Variants in TAF1A observed in about 807,000 individuals in gnomAD.
TAF1A encodes the protein TATA box-binding protein-associated factor RNA polymerase I subunit A.
TAF1A carries 42 observed loss-of-function variants against 61.6 expected under a neutral mutation model. The ratio of observed to expected loss-of-function variants is 0.68; its 90% CI spans 0.53 to 0.88. TAF1A has a LOEUF of 0.88. Ranked by LOEUF, TAF1A falls within the 40% of genes least tolerant of loss-of-function variation. TAF1A has a pLI of 0.00. For synonymous variants in TAF1A, 179 were observed against 177.7 expected (o/e 1.01, Z -0.06); for missense variants, 424 against 518.7 (o/e 0.82, Z 1.77).
At chr1:222,579,392 C>G (rs1359252528) in intron 4 of TAF1A, among the ~76,000 whole-genome samples, 1 of 152,072 alleles carries the variant, frequency 6.6e-6, no homozygotes, top group Admixed American at 6.6e-5. Context: ...AATATTTTCA[C>G]GTATTTAAAT....
intron 7 of TAF1A, among the ~76,000 whole-genome samples, chr1:222,566,875 T>C (rs1660138382): frequency 6.6e-6 from 1 of 152,218 alleles, no homozygotes; most frequent in South Asian, 2.1e-4. Flanking sequence ...GTGTAGTTGC[T>C]GTAGAAAACA....
At chr1:222,574,760 T>A (rs1327461477) in intron 5 of TAF1A, among the ~76,000 whole-genome samples, 2 of 152,116 alleles carry the variant, frequency 1.3e-5, no homozygotes, top group African/African-American at 4.8e-5. Flanking sequence ...AATACAGCAT[T>A]CAGATATAGG....
chr1:222,577,414 C>A, intron 5 of TAF1A, 31 bp downstream of exon 5: 1 of 1,589,058 alleles, frequency 6.3e-7, no homozygotes, highest in African/African-American at 1.3e-5. Flanking sequence ...TCAGTCTCAT[C>A]ATAAGAAAAA....
chr1:222,575,488 C>A (rs763680522), intron 5 of TAF1A, among the ~76,000 whole-genome samples: 22 of 152,066 alleles, frequency 1.4e-4, no homozygotes, highest in Non-Finnish European at 2.5e-4. Flanking sequence ...AGCCTGACAG[C>A]AAGAGACTCC....
chr1:222,555,669 C>T (rs1283082243), downstream of TAF1A, among the ~76,000 whole-genome samples: 1 of 152,088 alleles, frequency 6.6e-6, no homozygotes, highest in Non-Finnish European at 1.5e-5. Flanking sequence ...TACTGTATTA[C>T]ATACTTGTAA....
In TAF1A at chr1:222,571,755, C is replaced by G. The variant is rs1022655384; in HGVS notation, c.605-1090G>C. 2.6e-5 allele frequency among the ~76,000 whole-genome samples: 4 copies of G among 152,090 alleles called. No homozygotes were observed. The East Asian group carries it at 7.7e-4, about 29-fold the overall frequency. On this transcript the variant is annotated intron_variant, in intron 5 of 10. Coordinates refer to ENST00000352967, the MANE Select transcript of TAF1A (RefSeq NM_005681.4). ...AATGAATGAAAAGACACTCTGTGTT[C>G]AGTTGAAAGACTTACTATTGTCAAA...
chr1:222,583,190 A>C (rs575658212), intron 3 of TAF1A, among the ~76,000 whole-genome samples: 1 of 152,290 alleles, frequency 6.6e-6, no homozygotes, highest in Non-Finnish European at 1.5e-5. Flanking sequence ...GTTTCAAAAG[A>C]AAACAAAAAA....
intron 9 of TAF1A, 68 bp downstream of exon 9, chr1:222,563,105 G>T (rs552128193): frequency 7.3e-7 from 1 of 1,378,812 alleles, no homozygotes; most frequent in East Asian, 2.4e-5. Flanking sequence ...TTTAAAAATT[G>T]ATATTAGCTA....
At chr1:222,578,558 C>A (rs1660660880) in intron 4 of TAF1A, among the ~76,000 whole-genome samples, 2 of 152,192 alleles carry the variant, frequency 1.3e-5, no homozygotes, top group Admixed American at 1.3e-4. Context: ...ATAACCCCCG[C>A]CATGCAGGGC....
chr1:222,557,798 TC>T (rs1272257210), downstream of TAF1A: 1 of 151,680 alleles, frequency 6.6e-6, no homozygotes, highest in Non-Finnish European at 1.5e-5. Flanking sequence ...CCCAAATTAG[TC>T]CTCTAGAGTC....
chr1:222,564,609 T>G (rs927505326), intron 7 of TAF1A, among the ~76,000 whole-genome samples: 3 of 152,172 alleles, frequency 2.0e-5, no homozygotes, highest in Non-Finnish European at 4.4e-5. Context: ...AACAGTTTAC[T>G]AAGGTTATAT....
intron 2 of TAF1A, among the ~76,000 whole-genome samples, chr1:222,587,688 A>C (rs1324027520): frequency 2.0e-5 from 3 of 152,238 alleles, no homozygotes; most frequent in Non-Finnish European, 4.4e-5. Context: ...ATATTAGATA[A>C]AAATGGGGGA....
At chr1:222,570,401 G>A (rs569247917) in intron 6 of TAF1A, 134 bp downstream of exon 6, 13 of 901,876 alleles carry the variant, frequency 1.4e-5, no homozygotes, top group Admixed American at 5.9e-5. Flanking sequence ...CCAAAAAAGA[G>A]ACACCGTATT....
chr1:222,556,648 A>G (rs1659730740), downstream of TAF1A, among the ~76,000 whole-genome samples: 1 of 152,224 alleles, frequency 6.6e-6, no homozygotes, highest in Non-Finnish European at 1.5e-5. Context: ...AAAAAGTTTC[A>G]CAGGTGACTT....
At chr1:222,560,383 T>C (rs1170020222) in intron 10 of TAF1A, among the ~76,000 whole-genome samples, 1 of 152,190 alleles carries the variant, frequency 6.6e-6, no homozygotes. Flanking sequence ...AACAATAAGA[T>C]GGGTGTTACA....
At chr1:222,576,850 T>C (rs1558149771) in intron 5 of TAF1A, among the ~76,000 whole-genome samples, 1 of 152,224 alleles carries the variant, frequency 6.6e-6, no homozygotes, top group Non-Finnish European at 1.5e-5. Context: ...TGGCAAAGAC[T>C]TTCTTCTTGA....
At chr1:222,575,027 G>A (rs1390813138) in intron 5 of TAF1A, among the ~76,000 whole-genome samples, 1 of 152,022 alleles carries the variant, frequency 6.6e-6, no homozygotes, top group African/African-American at 2.4e-5. Context: ...TGCTTTTTCT[G>A]TATCTATTTC....
downstream of TAF1A, chr1:222,558,066 T>G (rs1375661391): frequency 6.6e-6 from 1 of 151,906 alleles, no homozygotes; most frequent in Admixed American, 6.6e-5. Flanking sequence ...GTATTTTTAG[T>G]AGAGACAGGG....
chr1:222,554,669 AAC>A (rs1659707876), downstream of TAF1A, among the ~76,000 whole-genome samples: 1 of 152,178 alleles, frequency 6.6e-6, no homozygotes, highest in African/African-American at 2.4e-5. Flanking sequence ...ATTGAGAAAA[AAC>A]ATTTACCAGG....
Sources: gnomAD v4.1 joint callset for allele counts (sites outside exome capture counted in the v4.1 genomes callset) on GRCh38, gnomAD v4.1.1 for gene constraint, MANE v1.5 for transcripts, NCBI Gene and HGNC (gene_info 2026-07-23, HGNC 2026-07-21) for gene names.